The following DLGAP4 variants were observed in gnomAD, a reference collection of about 807,000 sequenced individuals.
The protein encoded by DLGAP4 is DLG associated protein 4.
In DLGAP4, 18 loss-of-function variants were observed where a neutral mutation model predicts 86.9. That is an observed-to-expected ratio of 0.21 (90% CI 0.14 to 0.31). The LOEUF is 0.31. Among genes scored for constraint, DLGAP4 ranks in the 10% least tolerant of loss-of-function variants. The pLI, the probability that DLGAP4 is intolerant of heterozygous loss-of-function variation, is 1.00. For synonymous variants in DLGAP4, 548 were observed against 574.3 expected (o/e 0.95, Z 0.65); for missense variants, 1,085 against 1,362.6 (o/e 0.80, Z 3.21).
At chr20:36,494,054 T>C (rs2035779014) in intron 7 of DLGAP4, among the ~76,000 whole-genome samples, 1 of 152,216 alleles carries the variant, frequency 6.6e-6, no homozygotes, top group South Asian at 2.1e-4. Context: ...GCCTTTCTTC[T>C]GGCCCAGAGA....
chr20:36,472,154 A>T (rs913155938), intron 7 of DLGAP4, among the ~76,000 whole-genome samples: 1 of 152,148 alleles, frequency 6.6e-6, no homozygotes. Flanking sequence ...AGCAGGGATG[A>T]GGAAGGGAAA....
chr20:36,397,718 A>G (rs748775285), intron 2 of DLGAP4, among the ~76,000 whole-genome samples: 1 of 152,292 alleles, frequency 6.6e-6, no homozygotes, highest in Non-Finnish European at 1.5e-5. Context: ...CCCACGAGTT[A>G]TTTAGAAATA....
At chr20:36,333,840 CAT>C (rs1440763332) in intron 1 of DLGAP4, among the ~76,000 whole-genome samples, 3 of 152,196 alleles carry the variant, frequency 2.0e-5, no homozygotes, top group African/African-American at 4.8e-5. Context: ...TGGGTGAAAA[CAT>C]AGATAATTTT....
chr20:36,476,705 G>GTTTTTTTTTTTTTTTTTTTTTTTGTT (rs35699904), intron 7 of DLGAP4, among the ~76,000 whole-genome samples: 1 of 85,340 alleles, frequency 1.2e-5, no homozygotes, highest in Admixed American at 1.2e-4. Context: ...TTTTTTTTTG[G>GTTTTTTTTTTTTTTTTTTTTTTTGTT]TTTTTTTTTT....
chr20:36,311,983 G>A (rs1400056922), intron 1 of DLGAP4, among the ~76,000 whole-genome samples: 1 of 152,176 alleles, frequency 6.6e-6, no homozygotes, highest in African/African-American at 2.4e-5. Flanking sequence ...GAACAGATGC[G>A]CTGGGGGCAG....
chr20:36,472,500 C>CAA (rs1217814412), intron 7 of DLGAP4, among the ~76,000 whole-genome samples: 2,078 of 76,246 alleles, frequency 0.027, 77 homozygotes, highest in African/African-American at 0.088. Flanking sequence ...AACCCTGTCT[C>CAA]AAAAAAAAAA....
chr20:36,470,235 T>C (rs893279651), intron 7 of DLGAP4, among the ~76,000 whole-genome samples: 2 of 152,102 alleles, frequency 1.3e-5, no homozygotes, highest in African/African-American at 2.4e-5. Context: ...TTCAAAGCCT[T>C]CTTCAAATCC....
intron 7 of DLGAP4, among the ~76,000 whole-genome samples, chr20:36,478,382 G>T (rs1235702790): frequency 6.6e-6 from 1 of 152,190 alleles, no homozygotes; most frequent in Admixed American, 6.5e-5. Flanking sequence ...GAGGGGAAAG[G>T]ACTATGAAGG....
At chr20:36,456,381 A>T (rs1439575502) in intron 7 of DLGAP4, among the ~76,000 whole-genome samples, 1 of 152,222 alleles carries the variant, frequency 6.6e-6, no homozygotes, top group Non-Finnish European at 1.5e-5. Flanking sequence ...ATGTTACAGG[A>T]GTTGCAGGGG....
intron 1 of DLGAP4, among the ~76,000 whole-genome samples, chr20:36,364,393 A>G (rs1555894466): frequency 6.6e-6 from 1 of 152,226 alleles, no homozygotes; most frequent in Non-Finnish European, 1.5e-5. Flanking sequence ...AAGAAAAGAA[A>G]AAGAATTGAG....
rs2065074391 is a variant in DLGAP4 at position 36,313,901 on chromosome 20, A to G, written c.-304+7389A>G. 8.5e-5 allele frequency among the ~76,000 whole-genome samples: 13 copies of G among 152,298 alleles called. No individual in the cohort carries two copies. The South Asian group carries it at 2.7e-3, about 32-fold the overall frequency. On this transcript the variant is annotated intron_variant, in intron 1 of 12. Transcript: ENST00000339266. ...TGGGTCTCAGTTACCCCATCGGAAC[A>G]GCAAGAGTCAGGAGGTGATGTTGGG... is the stretch of plus-strand genomic sequence containing the variant.
intron 7 of DLGAP4, among the ~76,000 whole-genome samples, chr20:36,480,524 T>TGTA (rs1247904657): frequency 6.6e-6 from 1 of 151,988 alleles, no homozygotes; most frequent in African/African-American, 2.4e-5. Context: ...GGCAACATAG[T>TGTA]GAGACCCTGT....
At chr20:36,332,984 C>T (rs2065285397) in intron 1 of DLGAP4, among the ~76,000 whole-genome samples, 1 of 152,198 alleles carries the variant, frequency 6.6e-6, no homozygotes, top group South Asian at 2.1e-4. Flanking sequence ...AATTCTCACC[C>T]TCTCAGATGC....
chr20:36,429,413 T>C (rs1433906859), intron 2 of DLGAP4, among the ~76,000 whole-genome samples: 4 of 139,774 alleles, frequency 2.9e-5, no homozygotes, highest in Non-Finnish European at 6.2e-5. Flanking sequence ...TTTTTTTTTT[T>C]TTTTTTTTTG....
At chr20:36,359,362 G>A (rs2030438908) in intron 1 of DLGAP4, among the ~76,000 whole-genome samples, 1 of 152,204 alleles carries the variant, frequency 6.6e-6, no homozygotes, top group African/African-American at 2.4e-5. Flanking sequence ...CGTGGCTCAC[G>A]GCCACCCTAT....
In DLGAP4 at chr20:36,434,750, G is replaced by A. The variant is rs578210712; in HGVS notation, c.1000-1359G>A. On this transcript the variant is annotated intron_variant, in intron 3 of 12. Transcript: ENST00000339266. Reference sequence around the variant, plus strand: ...GGGTGGGGCTGGAGTGGGAGTCCTGGACATTACCTTCCCTTTGTGGAAAGT... The same window carrying A: ...GGGTGGGGCTGGAGTGGGAGTCCTGAACATTACCTTCCCTTTGTGGAAAGT... Among the ~76,000 whole-genome samples, 6 of 152,324 alleles carry A rather than the reference G, an allele frequency of 3.9e-5. 1 individual carries two copies. The highest frequency in any genetic ancestry group is 3.9e-4 in the Admixed American group (6 of 15,306).
At chr20:36,499,387 C>CCGCCTCCA in intron 8 of DLGAP4, 9 of 1,526,060 alleles carry the variant, frequency 5.9e-6, no homozygotes, top group South Asian at 3.6e-5. Context: ...GCCCGCCTGC[C>CCGCCTCCA]CGCCTCCACG....
intron 2 of DLGAP4, among the ~76,000 whole-genome samples, chr20:36,390,127 G>A (rs2031737065): frequency 6.6e-6 from 1 of 152,226 alleles, no homozygotes; most frequent in Non-Finnish European, 1.5e-5. Context: ...ACTTCAGCTG[G>A]GAGAAGACAT....
At chr20:36,474,927 A>G (rs1164265123) in intron 7 of DLGAP4, among the ~76,000 whole-genome samples, 1 of 152,194 alleles carries the variant, frequency 6.6e-6, no homozygotes, top group Non-Finnish European at 1.5e-5. Context: ...CAGGTAACAA[A>G]TAAACAGGAT....
Sources: allele counts gnomAD v4.1 joint callset (sites outside exome capture counted in the v4.1 genomes callset), GRCh38; gene constraint gnomAD v4.1.1; transcripts MANE v1.5; gene names NCBI Gene and HGNC (gene_info 2026-07-23, HGNC 2026-07-21).